Variants in CCDC3 observed in about 807,000 individuals in gnomAD.
The protein encoded by CCDC3 is coiled-coil domain containing 3, also known as coiled-coil domain-containing protein 3.
Under a neutral mutation model 21.4 loss-of-function variants are expected in CCDC3, and 24 were observed. The ratio of observed to expected loss-of-function variants is 1.12; its 90% CI spans 0.81 to 1.58. The LOEUF is 1.58. Ranked by LOEUF, CCDC3 falls within the 40% of genes most tolerant of loss-of-function variation. The probability of loss-of-function intolerance (pLI) is 0.00; values close to 1 mark genes in which losing one functional copy is unlikely to be tolerated. For synonymous variants in CCDC3, 186 were observed against 166.0 expected, an observed-to-expected ratio of 1.12 and a Z score of -0.93; for missense variants, 425 against 360.9, an observed-to-expected ratio of 1.18 and a Z score of -1.44.
At chr10:13,079,145 C>T (rs1218428876) in intron 3 of CCDC3, among the ~76,000 whole-genome samples, 1 of 152,180 alleles carries the variant, frequency 6.6e-6, no homozygotes. Flanking sequence ...GCTGATTTTT[C>T]CTTATGGTAC....
chr10:12,901,648 G>C (rs1360306771), intron 2 of CCDC3, among the ~76,000 whole-genome samples: 1 of 152,234 alleles, frequency 6.6e-6, no homozygotes, highest in East Asian at 1.9e-4. Flanking sequence ...TGGTTGTTGG[G>C]AGGATTTCAT....
At chr10:12,921,451 T>A (rs1271298741) in intron 2 of CCDC3, among the ~76,000 whole-genome samples, 1 of 152,226 alleles carries the variant, frequency 6.6e-6, no homozygotes, top group African/African-American at 2.4e-5. Context: ...TGGTGCCCTC[T>A]GATGAACTTG....
At chr10:13,018,156 T>C (rs946739590) in intron 5 of CCDC3, among the ~76,000 whole-genome samples, 4 of 151,942 alleles carry the variant, frequency 2.6e-5, no homozygotes, top group African/African-American at 4.8e-5. Flanking sequence ...TGTGTAGATA[T>C]CATAAACACA....
At chr10:12,981,683 A>G (rs1835499409) in intron 2 of CCDC3, among the ~76,000 whole-genome samples, 1 of 152,184 alleles carries the variant, frequency 6.6e-6, no homozygotes. Flanking sequence ...AGGTGCTATT[A>G]CTGAGGGCAT....
intron 5 of CCDC3, among the ~76,000 whole-genome samples, chr10:13,041,452 T>C (rs1277771986): frequency 6.6e-6 from 1 of 151,254 alleles, no homozygotes; most frequent in African/African-American, 2.4e-5. Context: ...TATCTGTATG[T>C]GTTGATTTCC....
intron 2 of CCDC3, among the ~76,000 whole-genome samples, chr10:12,988,843 G>A (rs368150980): frequency 6.6e-6 from 1 of 152,134 alleles, no homozygotes; most frequent in East Asian, 1.9e-4. Context: ...TATGTAGAAT[G>A]AAGGTACAAA....
intron 2 of CCDC3, among the ~76,000 whole-genome samples, chr10:12,956,218 A>G (rs1835083238): frequency 6.6e-6 from 1 of 152,212 alleles, no homozygotes; most frequent in African/African-American, 2.4e-5. Flanking sequence ...CCCCAGCCCA[A>G]GAAGAAATGA....
chr10:12,918,300 T>C (rs1834390267), intron 2 of CCDC3, among the ~76,000 whole-genome samples: 1 of 152,258 alleles, frequency 6.6e-6, no homozygotes, highest in African/African-American at 2.4e-5. Flanking sequence ...GGCCAACGTT[T>C]TTAAAATACA....
chr10:13,092,124 G>A (rs73573889), intron 3 of CCDC3, among the ~76,000 whole-genome samples: 2,244 of 152,276 alleles, frequency 0.015, 51 homozygotes, highest in African/African-American at 0.051. Context: ...AAGAAAGTTC[G>A]CTTGAGCCAA....
At chr10:13,074,438 G>A (rs545592312) in intron 3 of CCDC3, among the ~76,000 whole-genome samples, 155 of 138,174 alleles carry the variant, frequency 1.1e-3, no homozygotes, top group Non-Finnish European at 1.9e-3. Flanking sequence ...CGCCCACCTC[G>A]ACCTCCCAAA....
chr10:12,991,305 T>G (rs1051587004), intron 2 of CCDC3, among the ~76,000 whole-genome samples: 2 of 137,408 alleles, frequency 1.5e-5, no homozygotes, highest in African/African-American at 5.6e-5. Flanking sequence ...AACATATGTT[T>G]TTTTTGTTGT....
chr10:12,940,356 C>A (rs184275600), intron 2 of CCDC3, among the ~76,000 whole-genome samples: 2 of 146,972 alleles, frequency 1.4e-5, no homozygotes, highest in African/African-American at 5.1e-5. Context: ...TATTGGTGCA[C>A]AAGAGAATAC....
At chr10:13,082,269 C>T (rs1837049780) in intron 3 of CCDC3, among the ~76,000 whole-genome samples, 1 of 152,194 alleles carries the variant, frequency 6.6e-6, no homozygotes, top group African/African-American at 2.4e-5. Flanking sequence ...TAGGTAAGGT[C>T]ACGTGGGTCA....
At chr10:12,997,411 T>C (rs1179051232) in intron 2 of CCDC3, among the ~76,000 whole-genome samples, 2 of 152,212 alleles carry the variant, frequency 1.3e-5, no homozygotes, top group African/African-American at 4.8e-5. Context: ...AACTTGGTTG[T>C]GGCAAAGCCC....
chr10:13,085,308 A>G (rs1837089149), intron 3 of CCDC3, among the ~76,000 whole-genome samples: 3 of 152,218 alleles, frequency 2.0e-5, no homozygotes, highest in Admixed American at 2.0e-4. Flanking sequence ...TTCCCAAAGA[A>G]GTCAGCTTCA....
intron 4 of CCDC3, among the ~76,000 whole-genome samples, chr10:13,064,651 T>C (rs1836802959): frequency 6.6e-6 from 1 of 152,068 alleles, no homozygotes; most frequent in Non-Finnish European, 1.5e-5. Flanking sequence ...CCGGGTATGG[T>C]GGTGGGTGCC....
intron 2 of CCDC3, among the ~76,000 whole-genome samples, chr10:12,917,111 G>GGAT (rs1321077722): frequency 6.6e-6 from 1 of 151,542 alleles, no homozygotes; most frequent in Non-Finnish European, 1.5e-5. Context: ...CAAGTGGAGA[G>GGAT]GATCTCTCTC....
chr10:12,976,294 G>T (rs530793244), intron 2 of CCDC3, among the ~76,000 whole-genome samples: 1 of 152,202 alleles, frequency 6.6e-6, no homozygotes, highest in East Asian at 1.9e-4. Context: ...GCATTCATTC[G>T]TTCATTCATT....
intron 2 of CCDC3, among the ~76,000 whole-genome samples, chr10:12,980,840 G>A (rs1332471033): frequency 6.6e-6 from 1 of 151,852 alleles, no homozygotes; most frequent in Non-Finnish European, 1.5e-5. Context: ...CAGCTACAGG[G>A]GACTTTGGAA....
Sources: gnomAD v4.1 joint callset for allele counts (sites outside exome capture counted in the v4.1 genomes callset) on GRCh38, gnomAD v4.1.1 for gene constraint, MANE v1.5 for transcripts, NCBI Gene and HGNC (gene_info 2026-07-23, HGNC 2026-07-21) for gene names.